SCML2: variants seen among roughly 807,000 people sequenced by gnomAD.
SCML2 encodes the protein sex comb on midleg-like protein 2.
Under a neutral mutation model 48.4 loss-of-function variants are expected in SCML2, and 6 were observed. That is an observed-to-expected ratio of 0.12 (90% CI 0.07 to 0.24). The LOEUF (loss-of-function observed/expected upper bound fraction) is 0.24, where lower values mean the gene tolerates loss of function less well. Among genes scored for constraint, SCML2 ranks in the 10% least tolerant of loss-of-function variants. The pLI, the probability that SCML2 is intolerant of heterozygous loss-of-function variation, is 1.00. For missense variants in SCML2, 377 were observed against 528.2 expected, an observed-to-expected ratio of 0.71 and a Z score of 2.81; for synonymous variants, 181 against 189.5, an observed-to-expected ratio of 0.95 and a Z score of 0.37.
intron 10 of SCML2, among the ~76,000 whole-genome samples, 195 bp from the exon 11 acceptor site, chrX:18,257,225 T>A (rs1455065610): frequency 8.9e-6 from 1 of 112,003 alleles, no homozygotes; most frequent in African/African-American, 3.2e-5. Context: ...ACATCCTCAT[T>A]TGAAAATACT....
At chrX:18,270,026 A>AC (rs1349259685) in intron 7 of SCML2, among the ~76,000 whole-genome samples, 1 of 27,820 alleles carries the variant, frequency 3.6e-5, no homozygotes, top group Non-Finnish European at 6.0e-5. Context: ...AAAGTACTAT[A>AC]AATTTTTTTT....
intron 7 of SCML2, among the ~76,000 whole-genome samples, chrX:18,285,034 C>A (rs1462932765): frequency 1.1e-5 from 1 of 93,323 alleles, no homozygotes; most frequent in Non-Finnish European, 2.1e-5. Flanking sequence ...GAGCGCAACT[C>A]CGCCTCAAAA....
chrX:18,336,819 A>G (rs1009229549), intron 1 of SCML2, among the ~76,000 whole-genome samples: 1 of 111,698 alleles, frequency 9.0e-6, no homozygotes, highest in Non-Finnish European at 1.9e-5. Context: ...GTAAATGTAT[A>G]TCGCAAATTT....
chrX:18,347,724 A>C lies in SCML2; in HGVS notation c.-25+6868T>G, dbSNP rs1329457863. ...GGGTGACAGAGCAAGACTCCGTCTC[A>C]AAAAAAAAAAAAAAAAAAAAAAAAA... On this transcript the variant is annotated intron_variant, in intron 1 of 14. Coordinates refer to ENST00000251900, the MANE Select transcript of SCML2 (RefSeq NM_006089.3). Among the ~76,000 whole-genome samples, 100 of 28,313 alleles carry C rather than the reference A, an allele frequency of 3.5e-3. 1 individual carries two copies. Among genetic ancestry groups the C allele is most frequent in the African/African-American group, 0.012 (87 of 7,080 alleles). 24.6% of individuals were successfully genotyped at this position (28,313 alleles called of 115,157 possible).
rs1352672139 is a variant in SCML2 at position 18,323,918 on chromosome X, G to T, written c.338C>A (p.Pro113Gln). 1 of 1,209,216 alleles carries T rather than the reference G, an allele frequency of 8.3e-7. No individual in the cohort carries two copies. Among genetic ancestry groups the T allele is most frequent in the Non-Finnish European group, 1.1e-6 (1 of 894,754 alleles). Residue 113 changes from proline to glutamine, a missense_variant, in exon 5 of 15, where the codon CCA becomes CAA. Coordinates refer to ENST00000251900, the MANE Select transcript of SCML2 (RefSeq NM_006089.3). The stretch of plus-strand genomic sequence containing the variant: ...ACATGTCCCAACAGGTTGTATGTCT[G>T]GGGAATCGACAAGCCTCCAAAAATC... ...RNDFWRLVDS[P>Q]DIQPVGTCEK...
chrX:18,246,031 G>A (rs978487454), intron 13 of SCML2, among the ~76,000 whole-genome samples: 3 of 112,293 alleles, frequency 2.7e-5, no homozygotes, highest in Non-Finnish European at 5.6e-5. Context: ...GAGCCACCCC[G>A]CGCCTGGCCT....
chrX:18,345,939 A>G (rs1488297553), intron 1 of SCML2, among the ~76,000 whole-genome samples: 1 of 95,258 alleles, frequency 1.0e-5, no homozygotes, highest in African/African-American at 3.9e-5. Flanking sequence ...TTTTTTTTTT[A>G]ATTTTAGTAG....
At chrX:18,272,034 C>G (rs1927481785) in intron 7 of SCML2, among the ~76,000 whole-genome samples, 1 of 110,690 alleles carries the variant, frequency 9.0e-6, no homozygotes, top group Non-Finnish European at 1.9e-5. Flanking sequence ...GCTGCCATCC[C>G]ATACCATAAC....
chrX:18,338,655 A>G (rs1216169520), intron 1 of SCML2, among the ~76,000 whole-genome samples: 1 of 107,732 alleles, frequency 9.3e-6, no homozygotes, highest in South Asian at 4.1e-4. Flanking sequence ...GCTCACATCT[A>G]TAATTCCAGC....
At chrX:18,293,062 C>T (rs985257789) in intron 7 of SCML2, among the ~76,000 whole-genome samples, 2 of 111,334 alleles carry the variant, frequency 1.8e-5, no homozygotes, top group Admixed American at 9.6e-5. Context: ...ACACTGCTTG[C>T]GATAGTTGTA....
At chrX:18,242,338 A>T in intron 14 of SCML2, 101 bp downstream of exon 14, 1 of 896,992 alleles carries the variant, frequency 1.1e-6, no homozygotes, top group Non-Finnish European at 1.5e-6. Flanking sequence ...AAATCAGTTG[A>T]TAGGGTTCCC....
chrX:18,280,521 C>T lies in SCML2; in HGVS notation c.731-14719G>A, dbSNP rs745530218. Among the ~76,000 whole-genome samples, 7 of 111,566 alleles carry T rather than the reference C, an allele frequency of 6.3e-5. No individual in the cohort carries two copies. The Admixed American group carries it at 6.7e-4, about 11-fold the overall frequency. On this transcript the variant is annotated intron_variant, in intron 7 of 14. Transcript: ENST00000251900. ...CAAAATCATACATATCAGTACTAAC[C>T]TTGAATGTAAATGGGCTAAACACTC... is the stretch of plus-strand genomic sequence containing the variant.
rs183420362 is a variant in SCML2, at chrX:18,250,810, G to A, written c.1457-2928C>T. ...CTCAGACTGCTAATAAAGACATACT[G>A]GAGACTGGGTAATTTATAAAGAAAA... On this transcript the variant is annotated intron_variant, in intron 11 of 14. Transcript: ENST00000251900. 9.6e-4 allele frequency among the ~76,000 whole-genome samples: 107 copies of A among 111,288 alleles called. 1 individual carries two copies. Among genetic ancestry groups the A allele is most frequent in the African/African-American group, 3.2e-3 (99 of 30,596 alleles).
rs754130503 is a variant in SCML2, at chrX:18,286,535, ACAT to A, written c.730+18434_730+18436del. Among the ~76,000 whole-genome samples the A allele has an allele frequency of 3.6e-5, 4 of 111,382 alleles. No individual in the cohort carries two copies. The South Asian group carries it at 1.2e-3, about 32-fold the overall frequency. On this transcript the variant is annotated intron_variant, in intron 7 of 14. Transcript: ENST00000251900. The stretch of plus-strand genomic sequence containing the variant: ...CATTCAAAGAAACTGACTCAGCAGA[ACAT>A]AATGGTAAAAGCATTTCTGTTGCCC...
intron 6 of SCML2, among the ~76,000 whole-genome samples, chrX:18,311,756 A>G (rs1928955446): frequency 9.0e-6 from 1 of 110,817 alleles, no homozygotes; most frequent in Non-Finnish European, 1.9e-5. Flanking sequence ...TGAACAGAGG[A>G]GTGATATAAT....
intron 1 of SCML2, among the ~76,000 whole-genome samples, chrX:18,337,156 G>C (rs1458590985): frequency 9.2e-6 from 1 of 108,259 alleles, no homozygotes; most frequent in Non-Finnish European, 1.9e-5. Flanking sequence ...ACAAAACTTA[G>C]CCAGATGTGG....
intron 10 of SCML2, among the ~76,000 whole-genome samples, chrX:18,257,378 A>G (rs1050828533): frequency 2.9e-4 from 32 of 111,565 alleles, no homozygotes; most frequent in African/African-American, 8.8e-4. Context: ...TGAGTCACAT[A>G]TTTATTTAGA....
chrX:18,353,149 A>AAAC lies in SCML2; in HGVS notation c.-25+1442_-25+1443insGTT, dbSNP rs1555923949. On this transcript the variant is annotated intron_variant, in intron 1 of 14. Coordinates refer to ENST00000251900, the MANE Select transcript of SCML2 (RefSeq NM_006089.3). ...CCATTAAATAGAAAAAAAAAAAAAA[A>AAAC]ACACACAAACAGCCTGAAAGCACAT... 2.3e-3 allele frequency among the ~76,000 whole-genome samples: 255 copies of AAAC among 110,655 alleles called. 2 individuals carry two copies. The highest frequency in any genetic ancestry group is 8.1e-3 in the African/African-American group (248 of 30,511).
chrX:18,302,947 C>G (rs1305310668), intron 7 of SCML2, among the ~76,000 whole-genome samples: 1 of 111,634 alleles, frequency 9.0e-6, no homozygotes, highest in Non-Finnish European at 1.9e-5. Flanking sequence ...AAGTTTATTT[C>G]TCACAATTGT....
Sources: gnomAD v4.1 joint callset for allele counts (sites outside exome capture counted in the v4.1 genomes callset) on GRCh38, gnomAD v4.1.1 for gene constraint, MANE v1.5 for transcripts, NCBI Gene and HGNC (gene_info 2026-07-23, HGNC 2026-07-21) for gene names.